Variants in ADCY2 observed in about 807,000 individuals in gnomAD.
ADCY2 encodes adenylate cyclase 2, also known as adenylate cyclase type 2.
In ADCY2, 31 loss-of-function variants were observed where a neutral mutation model predicts 125.2. The ratio of observed to expected loss-of-function variants is 0.25; its 90% CI spans 0.19 to 0.33. The LOEUF (loss-of-function observed/expected upper bound fraction) is 0.33, where lower values mean the gene tolerates loss of function less well. Among genes scored for constraint, ADCY2 ranks in the 10% least tolerant of loss-of-function variants. ADCY2 has a pLI of 1.00. For synonymous variants in ADCY2, 512 were observed against 548.4 expected (o/e 0.93, Z 0.93); for missense variants, 904 against 1,418.2 (o/e 0.64, Z 5.82).
intron 2 of ADCY2, among the ~76,000 whole-genome samples, chr5:7,498,279 C>T (rs1392724480): frequency 1.9e-4 from 22 of 118,166 alleles, no homozygotes; most frequent in African/African-American, 3.5e-4. Context: ...GACAGAGTCT[C>T]GCTCTATCGC....
chr5:7,512,169 G>A (rs1744085417), intron 2 of ADCY2, among the ~76,000 whole-genome samples: 3 of 120,752 alleles, frequency 2.5e-5, no homozygotes, highest in African/African-American at 6.4e-5. Flanking sequence ...TGCAGTGAAC[G>A]AAGATCACAC....
intron 2 of ADCY2, among the ~76,000 whole-genome samples, chr5:7,460,135 C>G (rs1279723654): frequency 6.6e-6 from 1 of 151,946 alleles, no homozygotes; most frequent in Non-Finnish European, 1.5e-5. Context: ...AATATTTAAT[C>G]CTATTATATC....
Position 7,776,034 on chromosome 5 carries a change from T to G in ADCY2, c.2384+2933T>G, listed in dbSNP as rs535111171. 3.3e-5 allele frequency among the ~76,000 whole-genome samples: 5 copies of G among 152,284 alleles called. No homozygotes were observed. In the East Asian group the frequency reaches 9.6e-4, roughly 29 times the overall value. On this transcript the variant is annotated intron_variant, in intron 18 of 24. Transcript: ENST00000338316. ...TCATTGCCTGTTTTACGTAACCCTG[T>G]GACTCATGCCAGAGGTAAAACCAAT... is the stretch of plus-strand genomic sequence containing the variant.
chr5:7,566,025 G>A (rs1422714447), intron 3 of ADCY2, among the ~76,000 whole-genome samples: 1 of 152,166 alleles, frequency 6.6e-6, no homozygotes, highest in Non-Finnish European at 1.5e-5. Context: ...TGAGCAAAAT[G>A]TACTTTGCAA....
In ADCY2 at chr5:7,789,665, C is replaced by T. The variant is rs769312443; in HGVS notation, c.2493C>T (p.Asp831=). The T allele has an allele frequency of 6.2e-7, 1 of 1,613,990 alleles. No homozygotes were observed. Among genetic ancestry groups the T allele is most frequent in the East Asian group, 2.2e-5 (1 of 44,886 alleles). Reference sequence around the variant, plus strand: ...AGAATGAATATTACTGTAGGTTAGACTTCTTATGGAAGAACAAATTCAAAA... The same window carrying T: ...AGAATGAATATTACTGTAGGTTAGATTTCTTATGGAAGAACAAATTCAAAA... ...GRQNEYYCRL[D]FLWKNKFKKE... The change falls in exon 20 of 25, where the codon GAC becomes GAT. Residue 831 remains aspartate, a synonymous_variant. Coordinates refer to ENST00000338316, the MANE Select transcript of ADCY2 (RefSeq NM_020546.3).
At chr5:7,583,473 C>A (rs1736502474) in intron 3 of ADCY2, among the ~76,000 whole-genome samples, 1 of 151,816 alleles carries the variant, frequency 6.6e-6, no homozygotes, top group Non-Finnish European at 1.5e-5. Flanking sequence ...AAGGATCCAC[C>A]AATAGATCAA....
At chr5:7,731,337 C>A (rs1742097987) in intron 14 of ADCY2, among the ~76,000 whole-genome samples, 1 of 150,786 alleles carries the variant, frequency 6.6e-6, no homozygotes, top group African/African-American at 2.4e-5. Context: ...CTCACTGCAA[C>A]CTCCGCCTCC....
chr5:7,664,099 A>G (rs1054887227), intron 4 of ADCY2, among the ~76,000 whole-genome samples: 1 of 152,184 alleles, frequency 6.6e-6, no homozygotes, highest in African/African-American at 2.4e-5. Context: ...TTTCAAGGTA[A>G]CACTAGCAGT....
At chr5:7,445,136 G>A (rs1341083310) in intron 2 of ADCY2, among the ~76,000 whole-genome samples, 1 of 152,178 alleles carries the variant, frequency 6.6e-6, no homozygotes, top group East Asian at 1.9e-4. Flanking sequence ...TGTGTTTGGA[G>A]ACATATTTAG....
intron 4 of ADCY2, among the ~76,000 whole-genome samples, chr5:7,668,210 A>G (rs1001473854): frequency 4.6e-5 from 7 of 152,214 alleles, no homozygotes; most frequent in South Asian, 4.1e-4. Flanking sequence ...AGATGAGATT[A>G]CCATTTAAAT....
chr5:7,548,560 A>G (rs1184064895), intron 3 of ADCY2, among the ~76,000 whole-genome samples: 1 of 152,152 alleles, frequency 6.6e-6, no homozygotes, highest in Non-Finnish European at 1.5e-5. Context: ...TGCATGAACA[A>G]CTTCTATTTC....
intron 3 of ADCY2, among the ~76,000 whole-genome samples, chr5:7,558,826 T>G (rs1487709688): frequency 6.6e-6 from 1 of 152,236 alleles, no homozygotes; most frequent in Non-Finnish European, 1.5e-5. Context: ...GTTTTACATT[T>G]AAGTCTTTAA....
At chr5:7,638,339 T>C (rs1404185802) in intron 4 of ADCY2, among the ~76,000 whole-genome samples, 3 of 152,232 alleles carry the variant, frequency 2.0e-5, no homozygotes, top group African/African-American at 7.2e-5. Flanking sequence ...CAGAGCCATC[T>C]GATAGAATTT....
Position 7,709,967 on chromosome 5 carries a change from A to G in ADCY2, c.1578+580A>G, listed in dbSNP as rs1741388708. Among the ~76,000 whole-genome samples, 1 of 152,234 alleles carries G rather than the reference A, an allele frequency of 6.6e-6. No individual in the cohort carries two copies. The highest frequency in any genetic ancestry group is 1.5e-5 in the Non-Finnish European group (1 of 68,030). On this transcript the variant is annotated intron_variant, in intron 10 of 24. Coordinates refer to ENST00000338316, the MANE Select transcript of ADCY2 (RefSeq NM_020546.3). This position sits in a 1 kb window ranked among gnomAD's most constrained non-coding sequence, Gnocchi z 4.4. ...ATAGGAGGAGAGAAAAGTAAATACAACCAAGCACTTAGGATAATCCCCATA... is the reference window on the plus strand; with the variant it reads ...ATAGGAGGAGAGAAAAGTAAATACAGCCAAGCACTTAGGATAATCCCCATA...
chr5:7,508,307 A>G (rs542062468), intron 2 of ADCY2, among the ~76,000 whole-genome samples: 7 of 152,272 alleles, frequency 4.6e-5, no homozygotes, highest in African/African-American at 7.2e-5. Flanking sequence ...ATACTGAATA[A>G]CAAGCCCCAA....
At chr5:7,573,637 C>T (rs1736141053) in intron 3 of ADCY2, among the ~76,000 whole-genome samples, 2 of 108,896 alleles carry the variant, frequency 1.8e-5, no homozygotes, top group African/African-American at 3.4e-5. Flanking sequence ...AAGCTGCAGG[C>T]TTTATTGAGC....
At chr5:7,514,948 G>A (rs564795824) in intron 2 of ADCY2, among the ~76,000 whole-genome samples, 7 of 152,298 alleles carry the variant, frequency 4.6e-5, no homozygotes, top group Admixed American at 4.6e-4. Flanking sequence ...ATTGTTTAAA[G>A]CCACCCACTT....
chr5:7,613,023 C>T (rs1737620816), intron 3 of ADCY2, among the ~76,000 whole-genome samples: 1 of 151,946 alleles, frequency 6.6e-6, no homozygotes, highest in South Asian at 2.1e-4. Context: ...CAGAGTGAGA[C>T]TCTGACTCAA....
At chr5:7,518,342 C>A (rs1282920043) in intron 2 of ADCY2, among the ~76,000 whole-genome samples, 3 of 151,482 alleles carry the variant, frequency 2.0e-5, no homozygotes, top group Non-Finnish European at 4.4e-5. Flanking sequence ...GCATCGCTTA[C>A]TACAGGTCCC....
Sources: allele counts gnomAD v4.1 joint callset (sites outside exome capture counted in the v4.1 genomes callset), GRCh38; gene constraint gnomAD v4.1.1; non-coding constraint Gnocchi (gnomAD v3.1); transcripts MANE v1.5; gene names NCBI Gene and HGNC (gene_info 2026-07-23, HGNC 2026-07-21).